CDH12: variants seen among roughly 807,000 people sequenced by gnomAD.
CDH12 encodes cadherin 12, also known as cadherin-12.
A neutral mutation model predicts 74.1 loss-of-function variants in CDH12; 41 were observed. The observed-to-expected ratio is 0.55, with a 90% confidence interval of 0.43 to 0.72. CDH12 has a LOEUF of 0.72. Ranked by LOEUF, CDH12 falls within the 30% of genes least tolerant of loss-of-function variation. The pLI, the probability that CDH12 is intolerant of heterozygous loss-of-function variation, is 0.00. For synonymous variants in CDH12, 399 were observed against 355.0 expected (o/e 1.12, Z -1.39); for missense variants, 945 against 977.2 (o/e 0.97, Z 0.44).
chr5:22,825,534 G>A (rs1241799251), intron 1 of CDH12, among the ~76,000 whole-genome samples: 1 of 152,256 alleles, frequency 6.6e-6, no homozygotes, highest in South Asian at 2.1e-4. Flanking sequence ...GATTTTGTCT[G>A]GTTTGATTAA....
intron 1 of CDH12, among the ~76,000 whole-genome samples, chr5:22,700,511 G>A (rs867601265): frequency 6.6e-6 from 1 of 152,158 alleles, no homozygotes; most frequent in Non-Finnish European, 1.5e-5. Flanking sequence ...TTTAACTCTG[G>A]CCTATGAAAT....
At chr5:22,604,924 G>T (rs1737023877) in intron 1 of CDH12, among the ~76,000 whole-genome samples, 1 of 152,206 alleles carries the variant, frequency 6.6e-6, no homozygotes, top group African/African-American at 2.4e-5. Context: ...ATCAGCTCTG[G>T]TCAGTGACAC....
intron 1 of CDH12, among the ~76,000 whole-genome samples, chr5:22,713,464 T>A (rs181059792): frequency 1.3e-5 from 2 of 152,208 alleles, no homozygotes; most frequent in East Asian, 3.9e-4. Context: ...TTCTTTAGCC[T>A]TCTTGTCTTA....
At chr5:22,173,102 C>T (rs1215851678) in intron 4 of CDH12, among the ~76,000 whole-genome samples, 5 of 151,312 alleles carry the variant, frequency 3.3e-5, no homozygotes, top group South Asian at 2.1e-4. Context: ...TTCTGTCCTC[C>T]GTAATACATC....
intron 3 of CDH12, among the ~76,000 whole-genome samples, chr5:22,332,011 T>C (rs1739371088): frequency 6.6e-6 from 1 of 152,170 alleles, no homozygotes; most frequent in African/African-American, 2.4e-5. Flanking sequence ...CTACAGGATC[T>C]ATAAAATAAC....
chr5:22,399,279 A>C (rs1742607811), intron 3 of CDH12, among the ~76,000 whole-genome samples: 1 of 152,028 alleles, frequency 6.6e-6, no homozygotes, highest in South Asian at 2.1e-4. Flanking sequence ...TCACAGTTTT[A>C]CACCTAAGAG....
intron 3 of CDH12, among the ~76,000 whole-genome samples, chr5:22,379,850 C>T (rs1367070178): frequency 6.6e-6 from 1 of 152,182 alleles, no homozygotes; most frequent in Non-Finnish European, 1.5e-5. Flanking sequence ...AACTGCTGGG[C>T]TCACATGATC....
chr5:22,112,822 C>G (rs1296800307), intron 4 of CDH12, among the ~76,000 whole-genome samples: 1 of 152,062 alleles, frequency 6.6e-6, no homozygotes, highest in Non-Finnish European at 1.5e-5. Flanking sequence ...TGACTTTATG[C>G]TAGTCTTTTT....
chr5:22,724,510 C>T (rs888608085), intron 1 of CDH12, among the ~76,000 whole-genome samples: 4 of 151,950 alleles, frequency 2.6e-5, no homozygotes, highest in Admixed American at 2.6e-4. Context: ...TGAGTTACTT[C>T]ACTTAGAATA....
Position 21,840,310 on chromosome 5 carries a change from A to G in CDH12, c.814+1851T>C, listed in dbSNP as rs180706737. 2.9e-3 allele frequency among the ~76,000 whole-genome samples: 438 copies of G among 152,264 alleles called. 4 individuals are homozygous for G. The highest frequency in any genetic ancestry group is 7.8e-3 in the African/African-American group (323 of 41,558). The stretch of plus-strand genomic sequence containing the variant: ...GGTAAGATCCCAACTTATTTTGAAT[A>G]TGTTACTTTAATAAAAATTGATAGC... On this transcript the variant is annotated intron_variant, in intron 8 of 14. Transcript: ENST00000382254.
chr5:22,140,394 A>G (rs1275974023), intron 4 of CDH12, among the ~76,000 whole-genome samples: 1 of 152,212 alleles, frequency 6.6e-6, no homozygotes, highest in Admixed American at 6.5e-5. Flanking sequence ...ATGCCACACA[A>G]TAATTTCAAA....
chr5:22,305,866 C>G (rs1396442153), intron 3 of CDH12, among the ~76,000 whole-genome samples: 1 of 152,162 alleles, frequency 6.6e-6, no homozygotes, highest in South Asian at 2.1e-4. Context: ...GCTGTCCTTT[C>G]TTCTTTCTTA....
chr5:22,531,715 A>G (rs1481629960), intron 1 of CDH12, among the ~76,000 whole-genome samples: 1 of 152,194 alleles, frequency 6.6e-6, no homozygotes, highest in Non-Finnish European at 1.5e-5. Context: ...ATTCCAATTC[A>G]CACCAAAGAA....
intron 2 of CDH12, among the ~76,000 whole-genome samples, chr5:22,460,275 C>T (rs1745445821): frequency 6.6e-6 from 1 of 152,110 alleles, no homozygotes; most frequent in African/African-American, 2.4e-5. Flanking sequence ...TTATGCTGTA[C>T]ATTACAGTCC....
chr5:22,319,173 TGTGA>T (rs1738755670), intron 3 of CDH12, among the ~76,000 whole-genome samples: 2 of 152,314 alleles, frequency 1.3e-5, no homozygotes, highest in South Asian at 2.1e-4. Context: ...AATTCAGCAC[TGTGA>T]GTTAGAGAAA....
intron 6 of CDH12, among the ~76,000 whole-genome samples, chr5:21,884,688 T>C (rs1005358147): frequency 4.6e-5 from 7 of 152,260 alleles, no homozygotes; most frequent in South Asian, 2.1e-4. Flanking sequence ...AGCCTTTCTG[T>C]GGAGAGTGAG....
At chr5:21,912,116 T>C (rs1249077784) in intron 6 of CDH12, among the ~76,000 whole-genome samples, 1 of 152,154 alleles carries the variant, frequency 6.6e-6, no homozygotes, top group African/African-American at 2.4e-5. Context: ...GTTTTTAAAA[T>C]TAGTTTCTAG....
At chr5:22,545,744 AC>A (rs558421520) in intron 1 of CDH12, among the ~76,000 whole-genome samples, 47 of 152,324 alleles carry the variant, frequency 3.1e-4, no homozygotes, top group Middle Eastern at 3.4e-3. Flanking sequence ...ATATAATTAT[AC>A]TCATTCTATT....
At chr5:21,856,033 C>T (rs1750737989) in intron 6 of CDH12, among the ~76,000 whole-genome samples, 1 of 151,672 alleles carries the variant, frequency 6.6e-6, no homozygotes, top group East Asian at 1.9e-4. Flanking sequence ...CAGCCTTTCC[C>T]AAGAAAAGAA....
Sources: gnomAD v4.1 joint callset for allele counts (sites outside exome capture counted in the v4.1 genomes callset) on GRCh38, gnomAD v4.1.1 for gene constraint, MANE v1.5 for transcripts, NCBI Gene and HGNC (gene_info 2026-07-23, HGNC 2026-07-21) for gene names.